The following BLMH variants were observed in gnomAD, a reference collection of about 807,000 sequenced individuals.
The protein encoded by BLMH is BLM hydrolase.
BLMH carries 32 observed loss-of-function variants against 61.6 expected under a neutral mutation model. The observed-to-expected ratio is 0.52, with a 90% CI of 0.39 to 0.70. The LOEUF (loss-of-function observed/expected upper bound fraction) is 0.70. Ranked by LOEUF, BLMH falls within the 30% of genes least tolerant of loss-of-function variation. The pLI, the probability that BLMH is intolerant of heterozygous loss-of-function variation, is 0.00. For missense variants in BLMH, 460 were observed against 555.5 expected (o/e 0.83, Z 1.73); for synonymous variants, 183 against 193.8 (o/e 0.94, Z 0.46).
At chr17:30,283,157 G>C (rs112528917) in intron 6 of BLMH, among the ~76,000 whole-genome samples, 1 of 152,128 alleles carries the variant, frequency 6.6e-6, no homozygotes, top group African/African-American at 2.4e-5. Flanking sequence ...GCAAGACTCT[G>C]TCTCTAAGGG....
rs1233675521 is a variant in BLMH, at chr17:30,248,215, A to G, written c.*802T>C. ...ATAAATCAGCTTATTCTCATTTAGC[A>G]AAGTTTTTATTCAAAAGCTTCTCAG... is the stretch of plus-strand genomic sequence containing the variant. On this transcript the variant is annotated 3_prime_UTR_variant, in exon 12 of 12. Transcript: ENST00000261714. 6.6e-6 allele frequency: 1 copy of G among 152,624 alleles called. No homozygotes were observed. The highest frequency in any genetic ancestry group is 1.5e-5 in the Non-Finnish European group (1 of 68,034). The allele number at this position is 152,624 out of a possible 1,614,324, so 9.5% of individuals were successfully genotyped here.
At chr17:30,275,313 G>A (rs1908388179) in intron 6 of BLMH, among the ~76,000 whole-genome samples, 1 of 152,134 alleles carries the variant, frequency 6.6e-6, no homozygotes, top group South Asian at 2.1e-4. Flanking sequence ...ACACCTTCAA[G>A]TTAACATCAT....
Position 30,273,890 on chromosome 17 carries a change from T to C in BLMH, c.801+152A>G, listed in dbSNP as rs111558662. On this transcript the variant is annotated intron_variant, in intron 7 of 11. Coordinates refer to ENST00000261714, the MANE Select transcript of BLMH (RefSeq NM_000386.4). ...TCCTGGCACCACCAACTTCATTAGCTGCATAAAATACTTCAGAGGAAGTGG... is the reference window on the plus strand; with the variant it reads ...TCCTGGCACCACCAACTTCATTAGCCGCATAAAATACTTCAGAGGAAGTGG... 5 of 911,272 alleles carry C rather than the reference T, an allele frequency of 5.5e-6. No individual in the cohort carries two copies. The African/African-American group carries it at 6.8e-5, about 12-fold the overall frequency. The allele number at this position is 911,272 out of a possible 1,614,324, so 56.4% of individuals were successfully genotyped here.
chr17:30,278,351 A>C (rs1908482038), intron 6 of BLMH, among the ~76,000 whole-genome samples: 2 of 152,248 alleles, frequency 1.3e-5, no homozygotes. Flanking sequence ...ATAAGAGTAC[A>C]ACCATATCCC....
intron 6 of BLMH, among the ~76,000 whole-genome samples, chr17:30,280,339 A>T (rs1239438010): frequency 1.3e-5 from 2 of 152,204 alleles, no homozygotes; most frequent in African/African-American, 4.8e-5. Flanking sequence ...ACTGCAGAAG[A>T]GACAGAATCT....
intron 11 of BLMH, among the ~76,000 whole-genome samples, chr17:30,263,965 C>T (rs1310457754): frequency 6.6e-6 from 1 of 152,182 alleles, no homozygotes. Flanking sequence ...AAACAGAGGT[C>T]CTACCTCAGA....
At position 30,291,495 on chromosome 17, in the gene BLMH, C is replaced by T; in HGVS notation, c.27G>A (p.Glu9=). The change falls in exon 2 of 12, where the codon GAG becomes GAA. Residue 9 remains glutamate, a synonymous_variant. Transcript: ENST00000261714. MSSSGLNS[E]KVAALIQKLN... ...GTTTCTGTATCAGAGCAGCTACCTT[C>T]TCCGAATTCAGTCCTGTTGGGAGAC... 1 of 1,614,204 alleles carries T rather than the reference C, an allele frequency of 6.2e-7. No individual in the cohort carries two copies. The highest frequency in any genetic ancestry group is 8.5e-7 in the Non-Finnish European group (1 of 1,180,014).
At chr17:30,264,437 A>C (rs976420289) in intron 11 of BLMH, among the ~76,000 whole-genome samples, 2 of 152,246 alleles carry the variant, frequency 1.3e-5, no homozygotes, top group African/African-American at 4.8e-5. Context: ...TTATTGAGTA[A>C]AAGTAAAGAG....
chr17:30,252,544 A>G (rs1392275418), intron 11 of BLMH, among the ~76,000 whole-genome samples: 1 of 150,414 alleles, frequency 6.6e-6, no homozygotes, highest in African/African-American at 2.5e-5. Flanking sequence ...AAAAAAAAAA[A>G]AAAAAAAAAA....
chr17:30,255,887 A>C (rs1029106468), intron 11 of BLMH, among the ~76,000 whole-genome samples: 1 of 151,960 alleles, frequency 6.6e-6, no homozygotes, highest in African/African-American at 2.4e-5. Flanking sequence ...ACAGAGTGAG[A>C]CTCCGTCTCA....
chr17:30,260,880 TAACAAC>T (rs371906610), intron 11 of BLMH, among the ~76,000 whole-genome samples: 1 of 151,708 alleles, frequency 6.6e-6, no homozygotes, highest in Non-Finnish European at 1.5e-5. Context: ...CAAGACTCCA[TAACAAC>T]AACAACAACA....
chr17:30,257,367 G>A (rs988637805), intron 11 of BLMH, among the ~76,000 whole-genome samples: 2 of 152,134 alleles, frequency 1.3e-5, no homozygotes, highest in Non-Finnish European at 2.9e-5. Context: ...GTGAAGTGAG[G>A]ACAAGATGCA....
intron 9 of BLMH, chr17:30,272,206 T>C (rs778426236): frequency 2.7e-5 from 7 of 259,284 alleles, no homozygotes; most frequent in Non-Finnish European, 4.4e-5. Flanking sequence ...CAAAGTAACA[T>C]AGCAAACGGG....
At chr17:30,283,737 G>A (rs1184094318) in intron 6 of BLMH, among the ~76,000 whole-genome samples, 1 of 152,000 alleles carries the variant, frequency 6.6e-6, no homozygotes, top group Non-Finnish European at 1.5e-5. Context: ...GGTCAGGATG[G>A]TCTTGATCTC....
At chr17:30,271,475 T>A in intron 9 of BLMH, 87 bp from the exon 10 acceptor site, 1 of 965,016 alleles carries the variant, frequency 1.0e-6, no homozygotes, top group Non-Finnish European at 1.7e-6. Context: ...CAGAAGAAAC[T>A]GAAGGGGCTC....
At chr17:30,289,572 G>A (rs1392808339) in intron 2 of BLMH, 90 bp from the exon 3 acceptor site, 6 of 736,682 alleles carry the variant, frequency 8.1e-6, no homozygotes, top group Non-Finnish European at 1.3e-5. Flanking sequence ...CTCATGACAC[G>A]ATCTGGACAA....
At chr17:30,249,434 CCTTGGACCTAAGG>C in intron 11 of BLMH, 2 of 414,406 alleles carry the variant, frequency 4.8e-6, no homozygotes, top group South Asian at 5.0e-5. Flanking sequence ...CAGAGCTGGG[CCTTGGACCTAAGG>C]CTAACACCAG....
At chr17:30,257,596 A>T (rs1907850980) in intron 11 of BLMH, among the ~76,000 whole-genome samples, 1 of 152,238 alleles carries the variant, frequency 6.6e-6, no homozygotes, top group Non-Finnish European at 1.5e-5. Context: ...TTCATTATCT[A>T]TTAAAAGAAT....
At chr17:30,284,190 G>A (rs567110903) in intron 6 of BLMH, among the ~76,000 whole-genome samples, 1 of 152,160 alleles carries the variant, frequency 6.6e-6, no homozygotes. Context: ...AAATGCATTT[G>A]GTAAATGAAA....
Sources: gnomAD v4.1 joint callset for allele counts (sites outside exome capture counted in the v4.1 genomes callset) on GRCh38, gnomAD v4.1.1 for gene constraint, MANE v1.5 for transcripts, NCBI Gene and HGNC (gene_info 2026-07-23, HGNC 2026-07-21) for gene names.